REV1: variants seen among roughly 807,000 people sequenced by gnomAD.
REV1 encodes the protein REV1 DNA directed polymerase.
Under a neutral mutation model 137.4 loss-of-function variants are expected in REV1, and 42 were observed. The ratio of observed to expected loss-of-function variants is 0.31; its 90% confidence interval spans 0.24 to 0.40. The LOEUF is 0.40. Ranked by LOEUF, REV1 falls within the 10% of genes least tolerant of loss-of-function variation. REV1 has a pLI of 1.00. For missense variants in REV1, 1,282 were observed against 1,490.1 expected, an observed-to-expected ratio of 0.86 and a Z score of 2.30; for synonymous variants, 524 against 519.2, an observed-to-expected ratio of 1.01 and a Z score of -0.12.
At chr2:99,453,355 CAA>C (rs202156661) in intron 3 of REV1, among the ~76,000 whole-genome samples, 8 of 126,926 alleles carry the variant, frequency 6.3e-5, no homozygotes, top group Admixed American at 1.6e-4. Context: ...AAGACTGTCT[CAA>C]AAAAAAAAAA....
intron 1 of REV1, among the ~76,000 whole-genome samples, chr2:99,476,548 T>C (rs1452559697): frequency 8.4e-6 from 1 of 119,058 alleles, no homozygotes; most frequent in Non-Finnish European, 1.7e-5. Flanking sequence ...AGAGCAAGAA[T>C]CTGTCAATAA....
At chr2:99,475,885 G>A (rs1685913745) in intron 1 of REV1, among the ~76,000 whole-genome samples, 1 of 152,224 alleles carries the variant, frequency 6.6e-6, no homozygotes, top group Non-Finnish European at 1.5e-5. Flanking sequence ...TCCGGAGGCT[G>A]AGGCAGAGAA....
chr2:99,453,719 C>A (rs916848412), intron 3 of REV1, among the ~76,000 whole-genome samples: 1 of 151,648 alleles, frequency 6.6e-6, no homozygotes, highest in Non-Finnish European at 1.5e-5. Flanking sequence ...ATGATGAAAC[C>A]CCGTCCCTAC....
chr2:99,441,051 AAAG>A (rs1190027167), intron 5 of REV1, among the ~76,000 whole-genome samples: 1 of 152,258 alleles, frequency 6.6e-6, no homozygotes, highest in Non-Finnish European at 1.5e-5. Context: ...AAAGTGTCAC[AAAG>A]AAGATTTTGA....
intron 1 of REV1, among the ~76,000 whole-genome samples, chr2:99,467,908 C>T (rs949190715): frequency 2.0e-5 from 3 of 151,268 alleles, no homozygotes; most frequent in African/African-American, 4.9e-5. Flanking sequence ...TTGCTGGGCA[C>T]GATGGCTCAC....
rs536998760 is a variant in REV1 at position 99,469,264 on chromosome 2, A to G, written c.-10-4279T>C. 3.3e-5 allele frequency among the ~76,000 whole-genome samples: 5 copies of G among 152,354 alleles called. No individual in the cohort carries two copies. The South Asian group carries it at 1.0e-3, about 32-fold the overall frequency. ...GGTCTGAACAAGATTGTTCTTGAAG[A>G]AAAAGCACGACAACTTGAAAAAGAC... On this transcript the variant is annotated intron_variant, in intron 1 of 22. Transcript: ENST00000258428.
At chr2:99,448,805 T>A (rs776278763) in intron 4 of REV1, among the ~76,000 whole-genome samples, 1 of 152,168 alleles carries the variant, frequency 6.6e-6, no homozygotes, top group Non-Finnish European at 1.5e-5. Context: ...CCTTCTCCCA[T>A]AACTGCTTCC....
chr2:99,451,271 G>T, intron 3 of REV1: 2 of 875,362 alleles, frequency 2.3e-6, no homozygotes, highest in South Asian at 3.4e-5. Context: ...ATAGAAAACG[G>T]CTGTCCTTTA....
At chr2:99,468,283 A>G (rs1056579131) in intron 1 of REV1, among the ~76,000 whole-genome samples, 2 of 152,202 alleles carry the variant, frequency 1.3e-5, no homozygotes, top group Non-Finnish European at 2.9e-5. Flanking sequence ...TGCCTCTGTA[A>G]TAACATCCAG....
chr2:99,473,801 A>G (rs1325577890), intron 1 of REV1, among the ~76,000 whole-genome samples: 1 of 152,230 alleles, frequency 6.6e-6, no homozygotes, highest in South Asian at 2.1e-4. Context: ...CACAGAAAAA[A>G]TTACAGGTTT....
At chr2:99,440,918 C>T (rs916589783) in intron 5 of REV1, among the ~76,000 whole-genome samples, 1 of 152,142 alleles carries the variant, frequency 6.6e-6, no homozygotes, top group African/African-American at 2.4e-5. Flanking sequence ...ACTATAGTTT[C>T]TCAGCCTAGA....
rs28745277 is a variant in REV1, at chr2:99,471,535, T to C, written c.-10-6550A>G. Among the ~76,000 whole-genome samples, 301 of 151,720 alleles carry C rather than the reference T, an allele frequency of 2.0e-3. 11 individuals are homozygous for C. In the East Asian group the frequency reaches 0.053, roughly 27 times the overall value. ...TTTTGCAATGACTTTTTGGGGAAAA[T>C]GTAACAGAAAAAAACAGATAAACTG... On this transcript the variant is annotated intron_variant, in intron 1 of 22. Transcript: ENST00000258428.
In REV1 at chr2:99,439,040, G is replaced by T. The variant is rs767104692; in HGVS notation, c.774C>A (p.Ser258=). 4 of 1,614,002 alleles carry T rather than the reference G, an allele frequency of 2.5e-6. No homozygotes were observed. The African/African-American group carries it at 5.3e-5, about 22-fold the overall frequency. The change falls in exon 6 of 23, where the codon TCC becomes TCA. Residue 258 remains serine, a synonymous_variant. Coordinates refer to ENST00000258428, the MANE Select transcript of REV1 (RefSeq NM_016316.4). ...SVASRLSPAF[S]QEEDKAEKSS... ...TCTTCTCAGCCTTATCCTCCTCCTG[G>T]GAAAAGGCTGGAGAAAGCCTGCTGG...
At position 99,445,635 on chromosome 2, in the gene REV1, T is replaced by C. The variant is rs184738405; in HGVS notation, c.351-3166A>G. Among the ~76,000 whole-genome samples the C allele has an allele frequency of 6.3e-3, 953 of 152,300 alleles. 7 individuals are homozygous for C. Among genetic ancestry groups the C allele is most frequent in the African/African-American group, 0.021 (863 of 41,560 alleles). On this transcript the variant is annotated intron_variant, in intron 4 of 22. Coordinates refer to ENST00000258428, the MANE Select transcript of REV1 (RefSeq NM_016316.4). ...CCACATTTCAAATTTCAAGGTAAAA[T>C]TGTCTCAAGACAAAGACTGTGACAA...
At chr2:99,484,539 T>C (rs1213244786) in intron 1 of REV1, among the ~76,000 whole-genome samples, 1 of 152,222 alleles carries the variant, frequency 6.6e-6, no homozygotes, top group Non-Finnish European at 1.5e-5. Context: ...TCAAACTATT[T>C]ACAAAGCTGA....
In REV1 at chr2:99,484,193, A is replaced by C. The variant is rs921149328; in HGVS notation, c.-11+5624T>G. Among the ~76,000 whole-genome samples, 4 of 152,178 alleles carry C rather than the reference A, an allele frequency of 2.6e-5. No homozygotes were observed. In the East Asian group the frequency reaches 7.7e-4, roughly 29 times the overall value. On this transcript the variant is annotated intron_variant, in intron 1 of 22. Transcript: ENST00000258428. The stretch of plus-strand genomic sequence containing the variant: ...AAATGATGAGAACTCATGAACGCAA[A>C]GAAGGGAGCAATAGACACTGAGTCT...
At chr2:99,402,513 G>T (rs2104324132) in intron 21 of REV1, 131 bp downstream of exon 21, 1 of 950,508 alleles carries the variant, frequency 1.1e-6, no homozygotes, top group Non-Finnish European at 1.6e-6. Flanking sequence ...TAAAAGATTT[G>T]GGGGTAGCTG....
rs28369927 is a variant in REV1, at chr2:99,489,110, G to A, written c.-11+707C>T. ...AACACAGCGCGGCTCGGTGCGCCCA[G>A]AGCGGCGTCACTGTAACAGTACAGA... On this transcript the variant is annotated intron_variant, in intron 1 of 22. Coordinates refer to ENST00000258428, the MANE Select transcript of REV1 (RefSeq NM_016316.4). Among the ~76,000 whole-genome samples, 5 of 152,300 alleles carry A rather than the reference G, an allele frequency of 3.3e-5. No individual in the cohort carries two copies. In the East Asian group the frequency reaches 5.8e-4, roughly 18 times the overall value.
intron 3 of REV1, among the ~76,000 whole-genome samples, chr2:99,453,670 G>A (rs1363623619): frequency 1.3e-5 from 2 of 151,682 alleles, no homozygotes; most frequent in African/African-American, 2.4e-5. Flanking sequence ...CAAGGCAGGC[G>A]GATCACAAGG....
Sources: allele counts gnomAD v4.1 joint callset (sites outside exome capture counted in the v4.1 genomes callset), GRCh38; gene constraint gnomAD v4.1.1; transcripts MANE v1.5; gene names NCBI Gene and HGNC (gene_info 2026-07-23, HGNC 2026-07-21).